Variants in YWHAZ observed in about 807,000 individuals in gnomAD.
YWHAZ encodes the protein tyrosine 3-monooxygenase/tryptophan 5-monooxygenase activation protein zeta.
For missense variants in YWHAZ, 79 were observed against 284.8 expected (o/e 0.28, Z 5.20); for synonymous variants, 87 against 103.6 (o/e 0.84, Z 0.97).
intron 2 of YWHAZ, among the ~76,000 whole-genome samples, chr8:100,946,416 G>C (rs150782904): frequency 2.0e-5 from 3 of 152,064 alleles, no homozygotes; most frequent in Non-Finnish European, 2.9e-5. Flanking sequence ...TGGGCGTGCT[G>C]GTGCACGCCC....
chr8:100,936,166 C>T lies in YWHAZ; in HGVS notation c.295-11127G>A, dbSNP rs74601791. ...AGAAGCCAACTAATGAAAATAAATT[C>T]GAAAAAAAATTACAAGTTACAGAGC... On this transcript the variant is annotated intron_variant, in intron 2 of 5. Transcript: ENST00000395958. Among the ~76,000 whole-genome samples the T allele has an allele frequency of 6.1e-4, 92 of 151,894 alleles. No homozygotes were observed. In the East Asian group the frequency reaches 0.016, roughly 27 times the overall value.
chr8:100,929,455 C>T (rs1813606933), intron 2 of YWHAZ, among the ~76,000 whole-genome samples: 2 of 152,244 alleles, frequency 1.3e-5, no homozygotes, highest in Non-Finnish European at 2.9e-5. Flanking sequence ...CTGCCTCAGC[C>T]TCCCAAAGTG....
chr8:100,948,362 T>G lies in YWHAZ; in HGVS notation c.294+234A>C, dbSNP rs891550296. 6.6e-6 allele frequency among the ~76,000 whole-genome samples: 1 copy of G among 152,200 alleles called. No individual in the cohort carries two copies. Among genetic ancestry groups the G allele is most frequent in the Non-Finnish European group, 1.5e-5 (1 of 68,026 alleles). On this transcript the variant is annotated intron_variant, in intron 2 of 5. Coordinates refer to ENST00000395958, the MANE Select transcript of YWHAZ (RefSeq NM_145690.3). This position sits in a 1 kb window ranked among gnomAD's most constrained non-coding sequence, Gnocchi z 4.2. ...ATTAATATAAAATACAATACTAAAG[T>G]CTGTTATTTTTAACAAAACTGAACT...
intron 2 of YWHAZ, among the ~76,000 whole-genome samples, chr8:100,932,980 G>C (rs988370462): frequency 3.3e-5 from 5 of 152,164 alleles, no homozygotes; most frequent in Admixed American, 3.3e-4. Context: ...TAAGGAACCA[G>C]TAAGTTTGAG....
chr8:100,950,646 C>G (rs905673868), intron 1 of YWHAZ: 7 of 971,530 alleles, frequency 7.2e-6, no homozygotes, highest in African/African-American at 5.6e-5. Context: ...CCCGCGCCCC[C>G]GCCCAAGCCG....
Position 100,948,162 on chromosome 8 carries a change from C to T in YWHAZ, c.294+434G>A, listed in dbSNP as rs920689823. ...TTGACTCATTACATTAACATTATAG[C>T]GGCTAATCCTGAGAAGAGTACTATT... On this transcript the variant is annotated intron_variant, in intron 2 of 5. Coordinates refer to ENST00000395958, the MANE Select transcript of YWHAZ (RefSeq NM_145690.3). This position sits in a 1 kb window ranked among gnomAD's most constrained non-coding sequence, Gnocchi z 4.2. 15 of 1,530,064 alleles carry T rather than the reference C, an allele frequency of 9.8e-6. No individual in the cohort carries two copies. Among genetic ancestry groups the T allele is most frequent in the African/African-American group, 6.9e-5 (5 of 72,788 alleles). 94.8% of individuals were successfully genotyped at this position (1,530,064 alleles called of 1,614,324 possible). A position where few individuals can be genotyped will look rare whatever the true frequency, so the allele number is the denominator to read the frequency against.
rs1813086335 is a variant in YWHAZ, at chr8:100,922,392, T to C, written c.678+1563A>G. On this transcript the variant is annotated intron_variant, in intron 5 of 5. Transcript: ENST00000395958. This position sits in a 1 kb window ranked among gnomAD's most constrained non-coding sequence, Gnocchi z 4.1. ...CAAAACCCTGGTTTTTTCTTTTCTTTTTTTTTTTTTTTGAGACAGAGTCTC... is the reference window on the plus strand; with the variant it reads ...CAAAACCCTGGTTTTTTCTTTTCTTCTTTTTTTTTTTTGAGACAGAGTCTC... 3 of 144,368 alleles carry C rather than the reference T, an allele frequency of 2.1e-5. No individual in the cohort carries two copies. The South Asian group carries it at 6.4e-4, about 31-fold the overall frequency. The allele number at this position is 144,368 out of a possible 1,614,324, so 8.9% of individuals were successfully genotyped here.
chr8:100,934,320 T>G (rs4734498), intron 2 of YWHAZ, among the ~76,000 whole-genome samples: 69,172 of 145,156 alleles, frequency 0.48, 16,688 homozygotes, highest in South Asian at 0.63. Context: ...AGGGAGACCC[T>G]ATCTTTTTTT....
intron 2 of YWHAZ, among the ~76,000 whole-genome samples, chr8:100,931,828 G>A (rs1024497655): frequency 2.0e-5 from 3 of 151,996 alleles, no homozygotes; most frequent in Admixed American, 6.6e-5. Context: ...TTTGGCTTTG[G>A]TAATCTAAAA....
chr8:100,950,282 G>A, intron 1 of YWHAZ: 1 of 772,014 alleles, frequency 1.3e-6, no homozygotes. Flanking sequence ...CCAGTACAAA[G>A]GATTCTCTCC....
intron 5 of YWHAZ, 50 bp downstream of exon 5, chr8:100,923,905 C>A: frequency 6.8e-7 from 1 of 1,479,314 alleles, no homozygotes; most frequent in South Asian, 1.3e-5. Context: ...TAGAGTAAAA[C>A]ATAACCTCTT....
Position 100,952,012 on chromosome 8 carries a change from G to A in YWHAZ, c.-95C>T. ...GCGGCGGCAGCAGCGGCGAGGCTGA[G>A]ACTCTGTCCCTGGATCTCGCTGCTC... On this transcript the variant is annotated 5_prime_UTR_variant, in exon 1 of 6. Coordinates refer to ENST00000395958, the MANE Select transcript of YWHAZ (RefSeq NM_145690.3). 2.0e-6 allele frequency: 2 copies of A among 1,000,762 alleles called. No homozygotes were observed. Among genetic ancestry groups the A allele is most frequent in the South Asian group, 4.1e-5 (1 of 24,208 alleles). The allele number at this position is 1,000,762 out of a possible 1,614,324, so 62.0% of individuals were successfully genotyped here.
chr8:100,941,186 C>T (rs1292739352), intron 2 of YWHAZ, among the ~76,000 whole-genome samples: 2 of 152,194 alleles, frequency 1.3e-5, no homozygotes, highest in Non-Finnish European at 2.9e-5. Flanking sequence ...CTGTCAATTC[C>T]ACAGAATCAC....
chr8:100,949,715 T>C (rs1196393743), intron 1 of YWHAZ, among the ~76,000 whole-genome samples: 4 of 152,374 alleles, frequency 2.6e-5, no homozygotes, highest in Non-Finnish European at 4.4e-5. Flanking sequence ...CCAGTTGAAA[T>C]GCAGAAGTGC....
chr8:100,948,972 G>C lies in YWHAZ; in HGVS notation c.-11-72C>G, dbSNP rs1198369487. On this transcript the variant is annotated intron_variant, in intron 1 of 5. Coordinates refer to ENST00000395958, the MANE Select transcript of YWHAZ (RefSeq NM_145690.3). The surrounding 1 kb of genome is among the most constrained non-coding windows in gnomAD (Gnocchi z 4.2). The stretch of plus-strand genomic sequence containing the variant: ...AAACAGACTCAAAATTATACCTGTG[G>C]TAAATGAGTTTTTTAAACCTGAAAC... The C allele has an allele frequency of 2.7e-6, 4 of 1,485,720 alleles. No homozygotes were observed. In the African/African-American group the frequency reaches 4.2e-5, roughly 16 times the overall value. 92.0% of individuals were successfully genotyped at this position (1,485,720 alleles called of 1,614,324 possible). A position where few individuals can be genotyped will look rare whatever the true frequency, so the allele number is the denominator to read the frequency against.
intron 1 of YWHAZ, among the ~76,000 whole-genome samples, chr8:100,950,017 T>C (rs571975472): frequency 6.6e-6 from 1 of 152,350 alleles, no homozygotes; most frequent in East Asian, 1.9e-4. Context: ...CCTTGGCAGC[T>C]GGCTCCCGAA....
chr8:100,950,451 G>A (rs1563693401), intron 1 of YWHAZ: 18 of 985,374 alleles, frequency 1.8e-5, no homozygotes, highest in Non-Finnish European at 2.2e-5. Flanking sequence ...GGGCAGACCC[G>A]GACTTTAAAG....
chr8:100,924,116 T>C lies in YWHAZ; in HGVS notation c.582+19A>G. ...TAATAAAGACTGCTAAATTTCTACG[T>C]AACAGGTAAAATACATACTGTCTTT... On this transcript the variant is annotated intron_variant, in intron 4 of 5. Transcript: ENST00000395958. The surrounding 1 kb of genome is among the most constrained non-coding windows in gnomAD (Gnocchi z 5.7). The C allele has an allele frequency of 1.9e-6, 3 of 1,609,110 alleles. No individual in the cohort carries two copies. Among genetic ancestry groups the C allele is most frequent in the Non-Finnish European group, 2.5e-6 (3 of 1,178,214 alleles).
At chr8:100,947,405 A>G (rs1038253968) in intron 2 of YWHAZ, among the ~76,000 whole-genome samples, 3 of 152,210 alleles carry the variant, frequency 2.0e-5, no homozygotes, top group African/African-American at 7.2e-5. Flanking sequence ...AAAGGTTTCA[A>G]TAAGCAAAGA....
Sources: gnomAD v4.1 joint callset for allele counts (sites outside exome capture counted in the v4.1 genomes callset) on GRCh38, gnomAD v4.1.1 for gene constraint, Gnocchi (gnomAD v3.1) non-coding constraint, MANE v1.5 for transcripts, NCBI Gene and HGNC (gene_info 2026-07-23, HGNC 2026-07-21) for gene names.